The following GPR158 variants were observed in gnomAD, a reference collection of about 807,000 sequenced individuals.
GPR158 encodes metabotropic glycine receptor.
A neutral mutation model predicts 78.2 loss-of-function variants in GPR158; 30 were observed. The ratio of observed to expected loss-of-function variants is 0.38; its 90% CI spans 0.29 to 0.52. GPR158 has a LOEUF of 0.52. GPR158 is among the 20% of genes least tolerant of loss of function. The pLI is 0.83. For missense variants in GPR158, 1,463 were observed against 1,523.5 expected, an observed-to-expected ratio of 0.96 and a Z score of 0.66; for synonymous variants, 581 against 591.1, an observed-to-expected ratio of 0.98 and a Z score of 0.25.
At chr10:25,226,283 T>C (rs1021813216) in intron 2 of GPR158, among the ~76,000 whole-genome samples, 2 of 152,170 alleles carry the variant, frequency 1.3e-5, no homozygotes, top group Non-Finnish European at 2.9e-5. Context: ...ATGTAACTAG[T>C]GGCTACCATG....
At chr10:25,443,321 G>A (rs541661916) in intron 4 of GPR158, among the ~76,000 whole-genome samples, 28 of 152,044 alleles carry the variant, frequency 1.8e-4, no homozygotes, top group Admixed American at 9.2e-4. Flanking sequence ...TTGGGAGGCC[G>A]AGGCGGACGG....
chr10:25,478,116 A>G (rs1040373307), intron 5 of GPR158, among the ~76,000 whole-genome samples: 3 of 152,198 alleles, frequency 2.0e-5, no homozygotes, highest in Admixed American at 2.0e-4. Context: ...TGTATGGTTA[A>G]GAGCCTTACT....
At chr10:25,456,861 C>CA (rs1185099304) in intron 4 of GPR158, among the ~76,000 whole-genome samples, 1 of 152,108 alleles carries the variant, frequency 6.6e-6, no homozygotes, top group African/African-American at 2.4e-5. Flanking sequence ...TATTTTCTCT[C>CA]AATAGTGTCA....
At chr10:25,550,440 C>T (rs547826350) in intron 5 of GPR158, among the ~76,000 whole-genome samples, 3 of 151,986 alleles carry the variant, frequency 2.0e-5, no homozygotes, top group Non-Finnish European at 2.9e-5. Flanking sequence ...CTGTTTCAGA[C>T]GGGGGAAAGG....
At chr10:25,347,787 A>G (rs998795078) in intron 2 of GPR158, among the ~76,000 whole-genome samples, 1 of 152,072 alleles carries the variant, frequency 6.6e-6, no homozygotes, top group Non-Finnish European at 1.5e-5. Context: ...GAAATTTAAA[A>G]TAAGTTGATC....
rs566877066 is a variant in GPR158, at chr10:25,598,780, C to T, written c.3154C>T (p.Pro1052Ser). 1 of 1,614,072 alleles carries T rather than the reference C, an allele frequency of 6.2e-7. No individual in the cohort carries two copies. The highest frequency in any genetic ancestry group is 1.1e-5 in the South Asian group (1 of 91,082). Residue 1052 changes from proline to serine, a missense_variant, in exon 11 of 11, where the codon CCT (proline) becomes TCT (serine). By Grantham distance (74) the Pro-to-Ser change is moderately conservative. Coordinates refer to ENST00000376351, the MANE Select transcript of GPR158 (RefSeq NM_020752.3). ...CTTAAAGGAGAAATCTCACCACAAG[C>T]CTAAGGCAGCTGAGGTTTGTCAGCA... ...FSLKEKSHHK[P>S]KAAEVCQQSN... is the part of the protein sequence containing the mutation.
chr10:25,215,152 T>C (rs766566334), intron 1 of GPR158, among the ~76,000 whole-genome samples: 1 of 152,138 alleles, frequency 6.6e-6, no homozygotes, highest in Admixed American at 6.5e-5. Flanking sequence ...CAAAATGTGA[T>C]GTGTATATAA....
chr10:25,205,943 G>A (rs186039185), intron 1 of GPR158, among the ~76,000 whole-genome samples: 7 of 150,696 alleles, frequency 4.6e-5, no homozygotes, highest in Admixed American at 1.3e-4. Flanking sequence ...TATTTGTTCA[G>A]TCCATTTGGT....
At chr10:25,424,108 T>C (rs1834788307) in intron 4 of GPR158, among the ~76,000 whole-genome samples, 1 of 152,248 alleles carries the variant, frequency 6.6e-6, no homozygotes, top group Admixed American at 6.5e-5. Context: ...ATTGTGATTT[T>C]GATTTGCATT....
intron 2 of GPR158, among the ~76,000 whole-genome samples, chr10:25,338,666 A>G (rs1674942756): frequency 6.8e-6 from 1 of 146,272 alleles, no homozygotes; most frequent in South Asian, 2.1e-4. Flanking sequence ...TCATCCTTGT[A>G]TCAATACATC....
At chr10:25,551,479 G>A (rs182053044) in intron 6 of GPR158, among the ~76,000 whole-genome samples, 1 of 152,204 alleles carries the variant, frequency 6.6e-6, no homozygotes, top group African/African-American at 2.4e-5. Context: ...ACTACCATCC[G>A]CCATTCCCAA....
intron 8 of GPR158, among the ~76,000 whole-genome samples, chr10:25,589,983 C>T (rs1837319139): frequency 6.6e-6 from 1 of 152,272 alleles, no homozygotes; most frequent in South Asian, 2.1e-4. Context: ...GAGTATTTGT[C>T]TCTGGCCTCA....
chr10:25,322,933 G>A (rs984962702), intron 2 of GPR158, among the ~76,000 whole-genome samples: 5 of 151,998 alleles, frequency 3.3e-5, no homozygotes, highest in Admixed American at 2.6e-4. Context: ...TGCAAGCTCC[G>A]CCTCCCAGGT....
chr10:25,556,320 A>C (rs947410566), intron 6 of GPR158, among the ~76,000 whole-genome samples: 1 of 152,192 alleles, frequency 6.6e-6, no homozygotes, highest in African/African-American at 2.4e-5. Flanking sequence ...CATGACCCCA[A>C]GGGTTTTAAC....
At chr10:25,214,327 A>G (rs1474526353) in intron 1 of GPR158, among the ~76,000 whole-genome samples, 1 of 152,196 alleles carries the variant, frequency 6.6e-6, no homozygotes, top group Non-Finnish European at 1.5e-5. Context: ...ATTTTTAAAA[A>G]AACTAGTTTT....
intron 2 of GPR158, among the ~76,000 whole-genome samples, chr10:25,241,311 T>TTCTCTTCTCTTCTC (rs1853617867): frequency 5.8e-4 from 61 of 104,582 alleles, no homozygotes; most frequent in African/African-American, 2.6e-3. Flanking sequence ...TTTCTTTTCT[T>TTCTCTTCTCTTCTC]TTCTCTTCTC....
chr10:25,216,843 T>A (rs1241729223), intron 1 of GPR158, among the ~76,000 whole-genome samples: 1 of 152,112 alleles, frequency 6.6e-6, no homozygotes, highest in Non-Finnish European at 1.5e-5. Context: ...TAGCATGAAT[T>A]TTTTAGGGCC....
chr10:25,218,629 A>G (rs1267494634), intron 1 of GPR158, among the ~76,000 whole-genome samples: 1 of 152,170 alleles, frequency 6.6e-6, no homozygotes, highest in Admixed American at 6.5e-5. Flanking sequence ...TAAATAAGAT[A>G]TTCAAGAAAG....
chr10:25,214,665 T>TG (rs939180036), intron 1 of GPR158, among the ~76,000 whole-genome samples: 7 of 152,024 alleles, frequency 4.6e-5, no homozygotes, highest in Admixed American at 1.3e-4. Context: ...TTGTATTTGG[T>TG]GATAGGATCT....
Sources: allele counts gnomAD v4.1 joint callset (sites outside exome capture counted in the v4.1 genomes callset), GRCh38; gene constraint gnomAD v4.1.1; transcripts MANE v1.5; gene names NCBI Gene and HGNC (gene_info 2026-07-23, HGNC 2026-07-21).